TRMT2B: variants seen among roughly 807,000 people sequenced by gnomAD.
TRMT2B encodes the protein tRNA methyltransferase 2B.
In TRMT2B, 34 loss-of-function variants were observed where a neutral mutation model predicts 39.7. The observed-to-expected ratio is 0.86, with a 90% CI of 0.65 to 1.14. TRMT2B has a LOEUF of 1.14. Ranked by LOEUF, TRMT2B falls within the 50% of genes most tolerant of loss-of-function variation. TRMT2B has a pLI of 0.00. For missense variants in TRMT2B, 318 were observed against 377.2 expected (o/e 0.84, Z 1.30); for synonymous variants, 132 against 137.3 (o/e 0.96, Z 0.27).
intron 8 of TRMT2B, among the ~76,000 whole-genome samples, chrX:101,022,349 G>A (rs1311748677): frequency 6.3e-5 from 7 of 110,819 alleles, no homozygotes; most frequent in East Asian, 2.8e-4. Flanking sequence ...GTCCGGGAGC[G>A]GCGGTTCACA....
At chrX:101,031,353 T>C (rs1044674449) in intron 7 of TRMT2B, among the ~76,000 whole-genome samples, 4 of 111,545 alleles carry the variant, frequency 3.6e-5, no homozygotes, top group African/African-American at 1.3e-4. Flanking sequence ...TAAAAGACAA[T>C]GCCCAAAACA....
chrX:101,011,948 T>C (rs1014480714), intron 13 of TRMT2B, among the ~76,000 whole-genome samples: 3 of 111,656 alleles, frequency 2.7e-5, no homozygotes, highest in African/African-American at 9.8e-5. Flanking sequence ...ATAACATACA[T>C]GGAGCTGTCA....
intron 7 of TRMT2B, among the ~76,000 whole-genome samples, chrX:101,031,798 G>A (rs2087484898): frequency 9.1e-6 from 1 of 110,274 alleles, no homozygotes; most frequent in East Asian, 2.8e-4. Context: ...AGCAATTAGA[G>A]AACAAGAAAA....
At chrX:100,990,180 C>T in the TRMT2B span, among the ~76,000 whole-genome samples, 1 of 111,120 alleles carries the variant, frequency 9.0e-6, no homozygotes, top group African/African-American at 3.3e-5. Flanking sequence ...AAGTACGAGG[C>T]CAGGGCAGAG....
At chrX:101,003,956 A>G in the TRMT2B span, among the ~76,000 whole-genome samples, 84 of 110,494 alleles carry the variant, frequency 7.6e-4, no homozygotes, top group African/African-American at 2.6e-3. Context: ...TCAGCCTCCT[A>G]AGTACCTGGG....
At chrX:100,987,441 G>A in the TRMT2B span, 1 of 1,211,269 alleles carries the variant, frequency 8.3e-7, no homozygotes, top group Non-Finnish European at 1.1e-6. Flanking sequence ...TCAGCCCATA[G>A]TTGAAGGACT....
the TRMT2B span, chrX:100,990,577 T>C: frequency 1.7e-6 from 2 of 1,159,607 alleles, no homozygotes; most frequent in Non-Finnish European, 2.3e-6. Context: ...AAATCAATCC[T>C]ATACTCACTG....
chrX:100,993,108 C>G, the TRMT2B span, among the ~76,000 whole-genome samples: 1 of 112,019 alleles, frequency 8.9e-6, no homozygotes, highest in East Asian at 2.8e-4. Context: ...AATTATGAAG[C>G]TGAAAGGAAC....
rs1278349360 is a variant in TRMT2B at position 101,018,458 on chromosome X, T to C, written c.1388+513A>G. Among the ~76,000 whole-genome samples, 6 of 108,229 alleles carry C rather than the reference T, an allele frequency of 5.5e-5. No individual in the cohort carries two copies. In the Admixed American group the frequency reaches 6.0e-4, roughly 11 times the overall value. 94.0% of individuals were successfully genotyped at this position (108,229 alleles called of 115,157 possible). A position where few individuals can be genotyped will look rare whatever the true frequency, so the allele number is the denominator to read the frequency against. On this transcript the variant is annotated intron_variant, in intron 13 of 13. Transcript: ENST00000372936. ...TTTTTAACACTTTTTTTTTTTTTTTTCTGAGACGGAGTCTCTCTCTGTCGC... is the reference window on the plus strand; with the variant it reads ...TTTTTAACACTTTTTTTTTTTTTTTCCTGAGACGGAGTCTCTCTCTGTCGC...
At chrX:101,045,030 CA>C (rs779342503) in intron 2 of TRMT2B, among the ~76,000 whole-genome samples, 66 of 61,007 alleles carry the variant, frequency 1.1e-3, no homozygotes, top group Non-Finnish European at 1.1e-3. Context: ...AACTCTGTCT[CA>C]AAAAAAAAAG....
the TRMT2B span, among the ~76,000 whole-genome samples, chrX:100,994,849 C>T: frequency 9.0e-6 from 1 of 111,436 alleles, no homozygotes; most frequent in Non-Finnish European, 1.9e-5. Context: ...TAGCTTGCTG[C>T]AACCTCGAAC....
intron 2 of TRMT2B, among the ~76,000 whole-genome samples, chrX:101,048,662 A>C (rs771151955): frequency 3.6e-5 from 4 of 111,272 alleles, no homozygotes; most frequent in Non-Finnish European, 5.7e-5. Flanking sequence ...CTGGTCTCGA[A>C]CTCCTGACCT....
At chrX:100,998,886 A>G in the TRMT2B span, among the ~76,000 whole-genome samples, 1 of 111,742 alleles carries the variant, frequency 8.9e-6, no homozygotes, top group African/African-American at 3.3e-5. Flanking sequence ...TAGGTGTTAC[A>G]TATACAACAG....
At chrX:101,026,280 C>T (rs1357280949) in intron 7 of TRMT2B, among the ~76,000 whole-genome samples, 2 of 109,763 alleles carry the variant, frequency 1.8e-5, no homozygotes, top group African/African-American at 6.6e-5. Flanking sequence ...AGTTTGAGAC[C>T]AGCCCGGGCA....
intron 7 of TRMT2B, among the ~76,000 whole-genome samples, chrX:101,028,399 G>A (rs966512599): frequency 6.3e-5 from 7 of 110,891 alleles, no homozygotes; most frequent in African/African-American, 1.6e-4. Flanking sequence ...AATTACAGGC[G>A]TGAGCCACTG....
chrX:101,019,647 CT>C (rs2148009346), intron 11 of TRMT2B, among the ~76,000 whole-genome samples: 1 of 102,045 alleles, frequency 9.8e-6, no homozygotes, highest in South Asian at 4.5e-4. Context: ...TTTTTTTTTT[CT>C]TTTGCGACAG....
chrX:101,021,949 T>C lies in TRMT2B; in HGVS notation c.851+19A>G, dbSNP rs2086824537. ...AGAGTCTGGCAAGCCATCAGCCTAT[T>C]TGGCTGTCCCAGGTTTACCTTTCCT... On this transcript the variant is annotated intron_variant, in intron 9 of 13. Transcript: ENST00000372936. 1 of 1,152,861 alleles carries C rather than the reference T, an allele frequency of 8.7e-7. No individual in the cohort carries two copies. The highest frequency in any genetic ancestry group is 1.8e-5 in the African/African-American group (1 of 56,352).
intron 2 of TRMT2B, 56 bp from the exon 3 acceptor site, chrX:101,042,368 C>A: frequency 8.9e-7 from 1 of 1,121,760 alleles, no homozygotes. Context: ...CTATCAAACC[C>A]ATTCATCCAC....
chrX:100,987,287 G>C, the TRMT2B span: 6 of 839,597 alleles, frequency 7.1e-6, no homozygotes, highest in East Asian at 2.0e-4. Context: ...AGGCATAGCA[G>C]AGTTTATGTG....
Sources: allele counts gnomAD v4.1 joint callset (sites outside exome capture counted in the v4.1 genomes callset), GRCh38; gene constraint gnomAD v4.1.1; transcripts MANE v1.5; gene names NCBI Gene and HGNC (gene_info 2026-07-23, HGNC 2026-07-21).